Variants in THRB observed in about 807,000 individuals in gnomAD.
THRB encodes the protein nuclear receptor subfamily 1 group A member 2.
THRB carries 12 observed loss-of-function variants against 47.8 expected under a neutral mutation model. The observed-to-expected ratio is 0.25, with a 90% CI of 0.16 to 0.41. The LOEUF (loss-of-function observed/expected upper bound fraction) is 0.41. Among genes scored for constraint, THRB ranks in the 10% least tolerant of loss-of-function variants. The pLI is 1.00. For missense variants in THRB, 348 were observed against 589.2 expected, an observed-to-expected ratio of 0.59 and a Z score of 4.24; for synonymous variants, 218 against 212.2, an observed-to-expected ratio of 1.03 and a Z score of -0.24.
chr3:24,311,350 C>T (rs951420916), intron 2 of THRB, among the ~76,000 whole-genome samples: 1 of 152,156 alleles, frequency 6.6e-6, no homozygotes, highest in Non-Finnish European at 1.5e-5. Context: ...ACTTGCTTGA[C>T]ATCTTGGCCA....
intron 4 of THRB, among the ~76,000 whole-genome samples, chr3:24,207,951 C>T (rs542813286): frequency 1.2e-4 from 19 of 152,242 alleles, no homozygotes; most frequent in Non-Finnish European, 2.1e-4. Flanking sequence ...AAAACCCCAT[C>T]GTCTCAGCCC....
chr3:24,135,847 A>ATATATAT (rs371175625), intron 8 of THRB, among the ~76,000 whole-genome samples: 1 of 130,966 alleles, frequency 7.6e-6, no homozygotes, highest in Admixed American at 7.4e-5. Flanking sequence ...ATATATATAT[A>ATATATAT]ATACATAAAT....
chr3:24,366,415 G>A (rs111428583), intron 1 of THRB, among the ~76,000 whole-genome samples: 2,872 of 152,132 alleles, frequency 0.019, 30 homozygotes, highest in Middle Eastern at 0.031. Context: ...TAGCGATGGC[G>A]GGAGTGAGGG....
At chr3:24,469,069 T>C (rs1163223682) in intron 1 of THRB, among the ~76,000 whole-genome samples, 1 of 152,156 alleles carries the variant, frequency 6.6e-6, no homozygotes, top group Admixed American at 6.5e-5. Context: ...CCAAGCTGAC[T>C]ACTACTAATT....
chr3:24,301,019 A>G (rs1216864620), intron 2 of THRB, among the ~76,000 whole-genome samples: 2 of 152,140 alleles, frequency 1.3e-5, no homozygotes, highest in African/African-American at 4.8e-5. Context: ...CTTATAAGAG[A>G]CACACAGAGG....
intron 3 of THRB, among the ~76,000 whole-genome samples, chr3:24,279,548 C>A (rs955423649): frequency 4.8e-5 from 6 of 126,218 alleles, no homozygotes; most frequent in Admixed American, 8.4e-5. Context: ...CCACGGCTGG[C>A]TAATTTTTTT....
At chr3:24,281,208 A>T (rs1301293257) in intron 3 of THRB, among the ~76,000 whole-genome samples, 1 of 152,224 alleles carries the variant, frequency 6.6e-6, no homozygotes, top group Admixed American at 6.5e-5. Context: ...TTACCCTCAA[A>T]GGGAAGCCCA....
chr3:24,122,741 C>T lies in THRB; in HGVS notation c.*143G>A. The T allele has an allele frequency of 1.7e-6, 2 of 1,171,830 alleles. No homozygotes were observed. Among genetic ancestry groups the T allele is most frequent in the Non-Finnish European group, 2.5e-6 (2 of 803,798 alleles). The allele number at this position is 1,171,830 out of a possible 1,614,324, so 72.6% of individuals were successfully genotyped here. On this transcript the variant is annotated 3_prime_UTR_variant, in exon 11 of 11. Coordinates refer to ENST00000646209, the MANE Select transcript of THRB (RefSeq NM_001354712.2). Reference sequence around the variant, plus strand: ...ACCCGCATTCAAGGGGCAATTTCATCCATGTCTATGCCAAGGACTACTTCC... The same window carrying T: ...ACCCGCATTCAAGGGGCAATTTCATTCATGTCTATGCCAAGGACTACTTCC...
chr3:24,363,132 T>C (rs2064193336), intron 1 of THRB, among the ~76,000 whole-genome samples: 5 of 152,266 alleles, frequency 3.3e-5, no homozygotes, highest in South Asian at 4.1e-4. Context: ...AGTATTATGA[T>C]CATGGGAAAT....
At chr3:24,390,672 T>C (rs975324125) in intron 1 of THRB, among the ~76,000 whole-genome samples, 3 of 151,848 alleles carry the variant, frequency 2.0e-5, no homozygotes, top group Non-Finnish European at 4.4e-5. Context: ...GGTTCAAGGT[T>C]CAAAGAAATC....
intron 3 of THRB, among the ~76,000 whole-genome samples, chr3:24,283,802 C>T (rs897468096): frequency 6.6e-6 from 1 of 151,882 alleles, no homozygotes; most frequent in Non-Finnish European, 1.5e-5. Flanking sequence ...AGACAGAGAG[C>T]CAAATCATGA....
At chr3:24,477,035 C>T (rs1480945767) in intron 1 of THRB, among the ~76,000 whole-genome samples, 1 of 142,614 alleles carries the variant, frequency 7.0e-6, no homozygotes, top group Admixed American at 6.8e-5. Context: ...TACTGTAACC[C>T]CAGTCAGAAT....
chr3:24,431,261 TACACACACACA>T (rs1169241948), intron 1 of THRB, among the ~76,000 whole-genome samples: 9 of 135,706 alleles, frequency 6.6e-5, no homozygotes, highest in African/African-American at 1.1e-4. Context: ...TCTCTCTCTC[TACACACACACA>T]CACACACACA....
chr3:24,270,494 CATT>C (rs1230601787), intron 3 of THRB, among the ~76,000 whole-genome samples: 1 of 152,190 alleles, frequency 6.6e-6, no homozygotes, highest in African/African-American at 2.4e-5. Context: ...TAGGTGCTAA[CATT>C]ATGAGCACCT....
intron 3 of THRB, among the ~76,000 whole-genome samples, chr3:24,263,197 G>T (rs1262690439): frequency 6.6e-6 from 1 of 152,072 alleles, no homozygotes; most frequent in Non-Finnish European, 1.5e-5. Context: ...CTTGCCTGCT[G>T]GACTGCTTCC....
intron 2 of THRB, among the ~76,000 whole-genome samples, chr3:24,325,378 G>A (rs959480840): frequency 6.6e-6 from 1 of 152,148 alleles, no homozygotes; most frequent in Non-Finnish European, 1.5e-5. Context: ...TCAATTAATT[G>A]CAAATGGTTT....
Position 24,127,480 on chromosome 3 carries a change from C to T in THRB, c.1144+19G>A, listed in dbSNP as rs80341144. On this transcript the variant is annotated intron_variant, in intron 10 of 10. Coordinates refer to ENST00000646209, the MANE Select transcript of THRB (RefSeq NM_001354712.2). ...CAAAAGCTCTTTGGATGCCCACTAA[C>T]GAGTCTAGGCGTACTCACCTGAAGA... 5.5e-4 allele frequency: 891 copies of T among 1,614,016 alleles called. 7 individuals are homozygous for T. In the East Asian group the frequency reaches 0.016, roughly 29 times the overall value.
intron 3 of THRB, among the ~76,000 whole-genome samples, chr3:24,242,025 A>T (rs745463): frequency 0.16 from 23,585 of 152,110 alleles, 2,866 homozygotes; most frequent in African/African-American, 0.33. Flanking sequence ...AACATGAGTT[A>T]TTTCTTGAAG....
chr3:24,123,169 G>C lies in THRB; in HGVS notation c.1145-44C>G, dbSNP rs374284904. 50 of 1,612,262 alleles carry C rather than the reference G, an allele frequency of 3.1e-5. No homozygotes were observed. In the Middle Eastern group the frequency reaches 8.2e-4, roughly 27 times the overall value. ...ATGGACATTGATTCAGAGATGGAAG[G>C]GGGAAGGCTTGCTTTGTCCAATTCC... On this transcript the variant is annotated intron_variant, in intron 10 of 10. Coordinates refer to ENST00000646209, the MANE Select transcript of THRB (RefSeq NM_001354712.2).
Sources: allele counts gnomAD v4.1 joint callset (sites outside exome capture counted in the v4.1 genomes callset), GRCh38; gene constraint gnomAD v4.1.1; transcripts MANE v1.5; gene names NCBI Gene and HGNC (gene_info 2026-07-23, HGNC 2026-07-21).